PRELID2: variants seen among roughly 807,000 people sequenced by gnomAD.
The protein encoded by PRELID2 is PRELI domain-containing protein 2.
In PRELID2, 25 loss-of-function variants were observed where a neutral mutation model predicts 28.4. The ratio of observed to expected loss-of-function variants is 0.88; its 90% CI spans 0.64 to 1.23. PRELID2 has a LOEUF of 1.23. PRELID2 is among the 50% of genes most tolerant of loss of function. The pLI is 0.00. For synonymous variants in PRELID2, 76 were observed against 71.6 expected, an observed-to-expected ratio of 1.06 and a Z score of -0.31; for missense variants, 201 against 214.4, an observed-to-expected ratio of 0.94 and a Z score of 0.39.
chr5:145,532,311 C>T (rs1337514081), intron 1 of PRELID2, among the ~76,000 whole-genome samples: 1 of 151,976 alleles, frequency 6.6e-6, no homozygotes, highest in East Asian at 1.9e-4. Context: ...ATGTAAGACT[C>T]TTTTTTCTTT....
At chr5:145,346,982 T>A in the PRELID2 span, among the ~76,000 whole-genome samples, 1 of 152,164 alleles carries the variant, frequency 6.6e-6, no homozygotes, top group Non-Finnish European at 1.5e-5. Context: ...GAAGTGGATA[T>A]GGTCAGTGTT....
chr5:145,229,039 C>G, the PRELID2 span: 2 of 1,600,354 alleles, frequency 1.2e-6, no homozygotes, highest in East Asian at 4.5e-5. Context: ...ATCTGGGCGG[C>G]CATCCAGTCC....
At chr5:145,657,272 A>AT (rs1323051724) in intron 1 of PRELID2, among the ~76,000 whole-genome samples, 1 of 152,194 alleles carries the variant, frequency 6.6e-6, no homozygotes, top group African/African-American at 2.4e-5. Context: ...CCAATTGTGA[A>AT]TTTTTTTAAA....
At chr5:145,708,125 G>A (rs1419449592) in intron 1 of PRELID2, among the ~76,000 whole-genome samples, 2 of 151,970 alleles carry the variant, frequency 1.3e-5, no homozygotes, top group East Asian at 1.9e-4. Context: ...GGGGTGGTTG[G>A]GGGTAGAGAG....
the PRELID2 span, among the ~76,000 whole-genome samples, chr5:145,422,424 G>A: frequency 6.6e-6 from 1 of 152,136 alleles, no homozygotes; most frequent in Non-Finnish European, 1.5e-5. Context: ...CTCCTGTATT[G>A]GGTGCATATA....
At chr5:145,663,107 G>C (rs1754525834) in intron 1 of PRELID2, among the ~76,000 whole-genome samples, 1 of 152,068 alleles carries the variant, frequency 6.6e-6, no homozygotes, top group Non-Finnish European at 1.5e-5. Flanking sequence ...CTATAGATAT[G>C]GGACATGCTG....
the PRELID2 span, among the ~76,000 whole-genome samples, chr5:145,314,131 T>A: frequency 6.6e-6 from 1 of 152,194 alleles, no homozygotes; most frequent in African/African-American, 2.4e-5. Flanking sequence ...GAGACCTTCA[T>A]CATGGATGAA....
chr5:145,819,515 T>C, intron 3 of PRELID2: 1 of 719,644 alleles, frequency 1.4e-6, no homozygotes, highest in Non-Finnish European at 2.4e-6. Context: ...GTGGAGAACC[T>C]TATACTCTGG....
intron 5 of PRELID2, among the ~76,000 whole-genome samples, chr5:145,789,126 T>C (rs539183924): frequency 1.3e-5 from 2 of 152,246 alleles, no homozygotes; most frequent in African/African-American, 4.8e-5. Context: ...AACAACATTT[T>C]CCACAAAAAT....
chr5:145,229,473 C>T, the PRELID2 span: 2 of 967,332 alleles, frequency 2.1e-6, no homozygotes, highest in East Asian at 2.4e-5. Context: ...GCCCCCAACA[C>T]CCCTGACATT....
chr5:145,636,835 T>G (rs564469304), intron 1 of PRELID2, among the ~76,000 whole-genome samples: 21 of 152,356 alleles, frequency 1.4e-4, no homozygotes, highest in Non-Finnish European at 2.6e-4. Flanking sequence ...ACCGTAGCCT[T>G]AGAGAAGCAT....
intron 1 of PRELID2, among the ~76,000 whole-genome samples, chr5:145,560,982 G>A (rs1293727100): frequency 6.6e-6 from 1 of 151,760 alleles, no homozygotes; most frequent in Non-Finnish European, 1.5e-5. Flanking sequence ...CACTCATTTG[G>A]GAATCATGAA....
intron 1 of PRELID2, among the ~76,000 whole-genome samples, chr5:145,571,479 A>T (rs775145179): frequency 2.0e-5 from 3 of 152,206 alleles, no homozygotes; most frequent in Non-Finnish European, 4.4e-5. Context: ...GCATCACATG[A>T]CAGATAGCAG....
intron 1 of PRELID2, among the ~76,000 whole-genome samples, chr5:145,517,960 G>A (rs1026951667): frequency 6.6e-6 from 1 of 151,936 alleles, no homozygotes; most frequent in Non-Finnish European, 1.5e-5. Flanking sequence ...ATGGACACAG[G>A]GTTGGGAACA....
At chr5:145,479,285 G>A (rs1487901716) in intron 1 of PRELID2, among the ~76,000 whole-genome samples, 1 of 152,096 alleles carries the variant, frequency 6.6e-6, no homozygotes, top group African/African-American at 2.4e-5. Context: ...CTCAAAAGTT[G>A]GTGCCATAGT....
chr5:145,595,162 A>ACG (rs1554078063), intron 1 of PRELID2, among the ~76,000 whole-genome samples: 1 of 6,572 alleles, frequency 1.5e-4, no homozygotes, highest in South Asian at 7.2e-3. Flanking sequence ...GTCATAATAG[A>ACG]CACACACACA....
chr5:145,795,420 A>G (rs556395097), intron 5 of PRELID2: 1 of 152,252 alleles, frequency 6.6e-6, no homozygotes, highest in East Asian at 1.9e-4. Flanking sequence ...CAGTATGTCT[A>G]TGGTGTACAG....
intron 5 of PRELID2, among the ~76,000 whole-genome samples, chr5:145,784,749 C>A (rs1581197211): frequency 6.7e-6 from 1 of 148,382 alleles, no homozygotes. Flanking sequence ...TAAATATGTC[C>A]ACAAATGAAA....
chr5:145,252,202 G>GAATCTCTGTTTTAAC, the PRELID2 span, among the ~76,000 whole-genome samples: 10 of 152,052 alleles, frequency 6.6e-5, no homozygotes, highest in Non-Finnish European at 1.3e-4. Context: ...TGATGGATGG[G>GAATCTCTGTTTTAAC]AATCTCTGTT....
Sources: gnomAD v4.1 joint callset for allele counts (sites outside exome capture counted in the v4.1 genomes callset) on GRCh38, gnomAD v4.1.1 for gene constraint, MANE v1.5 for transcripts, NCBI Gene and HGNC (gene_info 2026-07-23, HGNC 2026-07-21) for gene names.